KAZN: variants seen among roughly 807,000 people sequenced by gnomAD.
The protein encoded by KAZN is kazrin, periplakin interacting protein, also known as kazrin.
In KAZN, 40 loss-of-function variants were observed where a neutral mutation model predicts 87.4. The ratio of observed to expected loss-of-function variants is 0.46; its 90% CI spans 0.36 to 0.60. KAZN has a LOEUF of 0.60. KAZN is among the 20% of genes least tolerant of loss of function. The pLI, the probability that KAZN is intolerant of heterozygous loss-of-function variation, is 0.00. For synonymous variants in KAZN, 466 were observed against 458.3 expected (o/e 1.02, Z -0.22); for missense variants, 898 against 1,073.9 (o/e 0.84, Z 2.29).
chr1:14,335,108 C>CCG (rs1657142417), intron 2 of KAZN, among the ~76,000 whole-genome samples: 1 of 140,188 alleles, frequency 7.1e-6, no homozygotes, highest in Non-Finnish European at 1.5e-5. Flanking sequence ...GACTCGGTGC[C>CCG]CCCCCCCCAC....
At chr1:14,432,555 A>T (rs1308083813) in intron 2 of KAZN, among the ~76,000 whole-genome samples, 9 of 150,156 alleles carry the variant, frequency 6.0e-5, no homozygotes, top group East Asian at 3.9e-4. Context: ...CTTTTTTATA[A>T]TTTTTTTTTT....
chr1:14,859,297 G>T (rs1394173312), intron 1 of KAZN, among the ~76,000 whole-genome samples: 1 of 151,820 alleles, frequency 6.6e-6, no homozygotes, highest in East Asian at 1.9e-4. Flanking sequence ...AGTCTATTTT[G>T]TCCTCCAACA....
intron 2 of KAZN, among the ~76,000 whole-genome samples, chr1:14,528,591 C>T (rs1332809771): frequency 6.7e-6 from 1 of 150,184 alleles, no homozygotes; most frequent in Non-Finnish European, 1.5e-5. Context: ...CAAGACCAGC[C>T]TGGCAAAACC....
At chr1:14,459,162 G>T (rs1667720865) in intron 2 of KAZN, among the ~76,000 whole-genome samples, 1 of 151,998 alleles carries the variant, frequency 6.6e-6, no homozygotes, top group Non-Finnish European at 1.5e-5. Flanking sequence ...TCACTAGGAG[G>T]GTATCTTCAT....
At chr1:13,979,629 GTAGAACTTAA>G (rs1638555898) in intron 1 of KAZN, among the ~76,000 whole-genome samples, 2 of 152,190 alleles carry the variant, frequency 1.3e-5, no homozygotes, top group African/African-American at 2.4e-5. Flanking sequence ...GTAATACCGT[GTAGAACTTAA>G]AATATGCGGC....
At position 14,495,789 on chromosome 1, in the gene KAZN, C is replaced by A. The variant is rs539964263; in HGVS notation, c.250-103194C>A. 2.6e-5 allele frequency among the ~76,000 whole-genome samples: 4 copies of A among 152,120 alleles called. No individual in the cohort carries two copies. The South Asian group carries it at 8.3e-4, about 32-fold the overall frequency. Reference sequence around the variant, plus strand: ...AAATTTGGGGTAGAGGAGGGCTTCTCGAAAATGAAATTGCCTTCAGGTCTT... The same window carrying A: ...AAATTTGGGGTAGAGGAGGGCTTCTAGAAAATGAAATTGCCTTCAGGTCTT... On this transcript the variant is annotated intron_variant, in intron 2 of 16. Transcript: ENST00000636203.
At chr1:14,192,185 C>A (rs1247290114) in intron 2 of KAZN, among the ~76,000 whole-genome samples, 2 of 152,146 alleles carry the variant, frequency 1.3e-5, no homozygotes, top group African/African-American at 4.8e-5. Context: ...AAAAGAAACA[C>A]TCTGTGGAGT....
chr1:14,930,566 T>A (rs1659699649), intron 1 of KAZN, among the ~76,000 whole-genome samples: 1 of 152,134 alleles, frequency 6.6e-6, no homozygotes, highest in Non-Finnish European at 1.5e-5. Context: ...CCTTGTTACA[T>A]GTGTTCCTTT....
intron 1 of KAZN, among the ~76,000 whole-genome samples, chr1:14,890,506 A>G (rs1303360421): frequency 2.2e-5 from 1 of 45,928 alleles, no homozygotes; most frequent in South Asian, 1.1e-3. Context: ...AGCAAATTTA[A>G]ATCTTTTTTT....
chr1:14,000,239 A>G (rs1384006973), intron 1 of KAZN, among the ~76,000 whole-genome samples: 1 of 152,152 alleles, frequency 6.6e-6, no homozygotes, highest in Non-Finnish European at 1.5e-5. Flanking sequence ...GGGAAGAGGC[A>G]ACAAAAAAAG....
chr1:14,247,796 A>C (rs1041224447), intron 2 of KAZN, among the ~76,000 whole-genome samples: 1 of 152,048 alleles, frequency 6.6e-6, no homozygotes, highest in Non-Finnish European at 1.5e-5. Flanking sequence ...TAAGCACTGC[A>C]GAATAACTGC....
intron 1 of KAZN, among the ~76,000 whole-genome samples, chr1:14,009,896 C>T (rs1217844880): frequency 6.6e-6 from 1 of 152,106 alleles, no homozygotes; most frequent in South Asian, 2.1e-4. Context: ...TACATATTCA[C>T]ATTTGTGCCT....
chr1:14,698,716 C>T (rs2148799673), intron 1 of KAZN, among the ~76,000 whole-genome samples: 1 of 152,364 alleles, frequency 6.6e-6, no homozygotes. Context: ...TCCTCAGCGC[C>T]AGCACCAGCC....
intron 1 of KAZN, among the ~76,000 whole-genome samples, chr1:14,802,587 T>C (rs1321917272): frequency 1.3e-5 from 2 of 152,044 alleles, no homozygotes; most frequent in African/African-American, 4.8e-5. Flanking sequence ...AACAGAGAAG[T>C]GTCTGGTCCC....
rs1332830315 is a variant in KAZN at position 14,314,013 on chromosome 1, C to T, written c.249+133421C>T. On this transcript the variant is annotated intron_variant, in intron 2 of 16. Coordinates refer to the KAZN transcript ENST00000636203. ...TGGCAAATTACTGGTAAGTGGGTGG[C>T]TGGGAAGTTAGTCCCAGAAAAAGTC... is the stretch of plus-strand genomic sequence containing the variant. 2.6e-5 allele frequency among the ~76,000 whole-genome samples: 4 copies of T among 152,084 alleles called. No homozygotes were observed. In the East Asian group the frequency reaches 7.7e-4, roughly 29 times the overall value.
At chr1:14,200,898 T>G (rs910571635) in intron 2 of KAZN, among the ~76,000 whole-genome samples, 2 of 152,106 alleles carry the variant, frequency 1.3e-5, no homozygotes, top group Non-Finnish European at 2.9e-5. Flanking sequence ...AGCACCCAGC[T>G]GGCTGGCTCC....
At chr1:14,669,614 G>A (rs922896574) in intron 1 of KAZN, among the ~76,000 whole-genome samples, 2 of 152,128 alleles carry the variant, frequency 1.3e-5, no homozygotes, top group African/African-American at 4.8e-5. Flanking sequence ...AGGTACAGTG[G>A]TGTGCACCTA....
intron 1 of KAZN, among the ~76,000 whole-genome samples, chr1:13,924,322 T>C (rs1557723795): frequency 6.6e-6 from 1 of 152,220 alleles, no homozygotes; most frequent in Non-Finnish European, 1.5e-5. Context: ...GCAAAATTTA[T>C]GTGGGTATGA....
intron 4 of KAZN, among the ~76,000 whole-genome samples, chr1:15,054,965 A>G (rs181731329): frequency 6.6e-6 from 1 of 152,362 alleles, no homozygotes; most frequent in African/African-American, 2.4e-5. Context: ...TGCATTCAAG[A>G]AGGAGCTAGT....
Sources: allele counts gnomAD v4.1 joint callset (sites outside exome capture counted in the v4.1 genomes callset), GRCh38; gene constraint gnomAD v4.1.1; transcripts MANE v1.5; gene names NCBI Gene and HGNC (gene_info 2026-07-23, HGNC 2026-07-21).